STEAP3: variants seen among roughly 807,000 people sequenced by gnomAD.
The protein encoded by STEAP3 is metalloreductase STEAP3.
Under a neutral mutation model 34.9 loss-of-function variants are expected in STEAP3, and 35 were observed. The ratio of observed to expected loss-of-function variants is 1.00; its 90% CI spans 0.76 to 1.33. STEAP3 has a LOEUF of 1.33. Ranked by LOEUF, STEAP3 falls within the 40% of genes most tolerant of loss-of-function variation. The pLI is 0.00. For missense variants in STEAP3, 652 were observed against 667.6 expected (o/e 0.98, Z 0.26); for synonymous variants, 281 against 301.6 (o/e 0.93, Z 0.71).
At position 119,247,683 on chromosome 2, in the gene STEAP3, C is replaced by A. The variant is rs558666670; in HGVS notation, c.527C>A (p.Pro176His). ...TGCCCCACTTTTCTCCCGCAGGTGCCCATCTGCGGTGACCAGCCAGAAGCC... is the reference window on the plus strand; with the variant it reads ...TGCCCCACTTTTCTCCCGCAGGTGCACATCTGCGGTGACCAGCCAGAAGCC... ...AGPRDGNRQV[P>H]ICGDQPEAKR... Residue 176 changes from proline (P) to histidine (H), a missense_variant, in exon 4 of 6, where the codon CCC becomes CAC. Pro to His is a moderately conservative substitution (Grantham distance 77). Transcript: ENST00000393110. The A allele has an allele frequency of 2.0e-6, 3 of 1,520,344 alleles. No homozygotes were observed. In the African/African-American group the frequency reaches 4.1e-5, roughly 21 times the overall value. The allele number at this position is 1,520,344 out of a possible 1,614,324, so 94.2% of individuals were successfully genotyped here.
intron 4 of STEAP3, among the ~76,000 whole-genome samples, chr2:119,251,781 T>C (rs708675): frequency 0.61 from 92,147 of 151,912 alleles, 28,771 homozygotes; most frequent in African/African-American, 0.72. Flanking sequence ...GCAGAGCTCA[T>C]TCCTCTCGGC....
intron 2 of STEAP3, among the ~76,000 whole-genome samples, chr2:119,241,933 C>T (rs577162475): frequency 2.0e-5 from 3 of 152,380 alleles, no homozygotes; most frequent in East Asian, 3.9e-4. Context: ...TGCATGTCTG[C>T]GTGAAGCCGT....
intron 2 of STEAP3, among the ~76,000 whole-genome samples, chr2:119,232,871 G>T (rs919608737): frequency 6.6e-6 from 1 of 152,202 alleles, no homozygotes; most frequent in Non-Finnish European, 1.5e-5. Context: ...TACCTGTGCT[G>T]CAGAGCCAAG....
intron 5 of STEAP3, chr2:119,257,366 G>A: frequency 7.3e-7 from 1 of 1,373,304 alleles, no homozygotes. Context: ...ACCCAGGCCT[G>A]CCTCCCATCC....
chr2:119,251,883 C>T (rs1030060069), intron 4 of STEAP3, among the ~76,000 whole-genome samples: 44 of 152,198 alleles, frequency 2.9e-4, no homozygotes, highest in African/African-American at 1.0e-3. Flanking sequence ...CAGACTATCC[C>T]CTTACTTCCC....
intron 2 of STEAP3, among the ~76,000 whole-genome samples, chr2:119,234,624 G>A (rs570252434): frequency 6.6e-6 from 1 of 152,358 alleles, no homozygotes; most frequent in South Asian, 2.1e-4. Flanking sequence ...GCTTCATGCT[G>A]GGTACACAGC....
At chr2:119,261,525 C>T (rs577165624) in intron 5 of STEAP3, among the ~76,000 whole-genome samples, 18 of 152,258 alleles carry the variant, frequency 1.2e-4, no homozygotes, top group African/African-American at 4.1e-4. Context: ...TGCCACGACT[C>T]CCTCGCTCTC....
intron 5 of STEAP3, among the ~76,000 whole-genome samples, chr2:119,258,525 G>C (rs1677841229): frequency 6.7e-6 from 1 of 149,896 alleles, no homozygotes; most frequent in Non-Finnish European, 1.5e-5. Context: ...GAGGTGACTT[G>C]TGCTTGCATT....
chr2:119,237,017 A>G (rs1473355151), intron 2 of STEAP3, among the ~76,000 whole-genome samples: 1 of 152,240 alleles, frequency 6.6e-6, no homozygotes, highest in Non-Finnish European at 1.5e-5. Flanking sequence ...AGGAACCTCA[A>G]TTATGTGGAA....
At chr2:119,255,241 T>A (rs986596824) in intron 5 of STEAP3, among the ~76,000 whole-genome samples, 1 of 152,114 alleles carries the variant, frequency 6.6e-6, no homozygotes, top group Non-Finnish European at 1.5e-5. Flanking sequence ...GGTAGGAGTC[T>A]AGGGAGTGAG....
chr2:119,239,315 T>A (rs1443764259), intron 2 of STEAP3: 2 of 152,692 alleles, frequency 1.3e-5, no homozygotes, highest in Non-Finnish European at 2.9e-5. Flanking sequence ...TCGCCCAGGC[T>A]GGAGTGCAGT....
chr2:119,227,744 T>G (rs1679085792), intron 1 of STEAP3, among the ~76,000 whole-genome samples: 1 of 152,220 alleles, frequency 6.6e-6, no homozygotes, highest in Admixed American at 6.5e-5. Context: ...TTGGTTCATG[T>G]GTAGACAGCA....
At chr2:119,259,996 A>G (rs1212116471) in intron 5 of STEAP3, among the ~76,000 whole-genome samples, 1 of 152,222 alleles carries the variant, frequency 6.6e-6, no homozygotes, top group African/African-American at 2.4e-5. Flanking sequence ...GCTGCCCATC[A>G]GCCTCATCCG....
chr2:119,225,759 C>T (rs532564976), intron 1 of STEAP3, among the ~76,000 whole-genome samples: 3 of 152,320 alleles, frequency 2.0e-5, no homozygotes, highest in East Asian at 1.9e-4. Context: ...GTCAGATGGA[C>T]GAGTCCAAAT....
intron 2 of STEAP3, among the ~76,000 whole-genome samples, chr2:119,238,361 T>C (rs1244382175): frequency 6.6e-6 from 1 of 152,204 alleles, no homozygotes; most frequent in East Asian, 1.9e-4. Flanking sequence ...TGGTATCTCA[T>C]TGTGGTTTTC....
At position 119,263,284 on chromosome 2, in the gene STEAP3, C is replaced by G; in HGVS notation, c.1443C>G (p.Ile481Met). ...GAGGCTGGGAGAGGGAGAGCACCATCAAGTTCACGCTGCCCACAGACCACG... is the reference window on the plus strand; with the variant it reads ...GAGGCTGGGAGAGGGAGAGCACCATGAAGTTCACGCTGCCCACAGACCACG... ...IRRGWEREST[I>M]KFTLPTDHAL... is the part of the protein sequence containing the mutation. The change falls in exon 6 of 6, where the codon ATC (isoleucine) becomes ATG (methionine). Residue 481 changes from isoleucine to methionine, a missense_variant. Physicochemically the swap from Ile to Met is conservative, Grantham distance 10. Coordinates refer to ENST00000393110, the MANE Select transcript of STEAP3 (RefSeq NM_182915.3). The G allele has an allele frequency of 6.2e-7, 1 of 1,613,978 alleles. No homozygotes were observed. The highest frequency in any genetic ancestry group is 8.5e-7 in the Non-Finnish European group (1 of 1,180,004).
chr2:119,231,591 G>C (rs1676937547), intron 2 of STEAP3, among the ~76,000 whole-genome samples: 1 of 152,098 alleles, frequency 6.6e-6, no homozygotes, highest in Admixed American at 6.6e-5. Context: ...ATTTTGCACA[G>C]TTGTGTGACG....
At chr2:119,249,918 G>A (rs976386017) in intron 4 of STEAP3, among the ~76,000 whole-genome samples, 1 of 152,188 alleles carries the variant, frequency 6.6e-6, no homozygotes, top group African/African-American at 2.4e-5. Flanking sequence ...ACAAGAGCTC[G>A]CTGTGTTCCA....
At chr2:119,253,228 G>A (rs1382566338) in intron 4 of STEAP3, among the ~76,000 whole-genome samples, 2 of 152,330 alleles carry the variant, frequency 1.3e-5, no homozygotes, top group East Asian at 1.9e-4. Flanking sequence ...CATGCCACTG[G>A]TGGTCAGGAC....
Sources: gnomAD v4.1 joint callset for allele counts (sites outside exome capture counted in the v4.1 genomes callset) on GRCh38, gnomAD v4.1.1 for gene constraint, MANE v1.5 for transcripts, NCBI Gene and HGNC (gene_info 2026-07-23, HGNC 2026-07-21) for gene names.